The following NTN4 variants were observed in gnomAD, a reference collection of about 807,000 sequenced individuals.
NTN4 encodes netrin-4.
Under a neutral mutation model 73.6 loss-of-function variants are expected in NTN4, and 32 were observed. The ratio of observed to expected loss-of-function variants is 0.44; its 90% confidence interval spans 0.33 to 0.58. The LOEUF (loss-of-function observed/expected upper bound fraction) is 0.58. Among genes scored for constraint, NTN4 ranks in the 20% least tolerant of loss-of-function variants. The probability of loss-of-function intolerance (pLI) is 0.04; values close to 1 mark genes in which losing one functional copy is unlikely to be tolerated. For synonymous variants in NTN4, 258 were observed against 287.5 expected (o/e 0.90, Z 1.04); for missense variants, 654 against 798.3 (o/e 0.82, Z 2.18).
chr12:95,739,182 A>G (rs1399509388), intron 2 of NTN4, among the ~76,000 whole-genome samples: 1 of 152,190 alleles, frequency 6.6e-6, no homozygotes, highest in African/African-American at 2.4e-5. Flanking sequence ...TTAATTTAAC[A>G]TTGTTCTTGG....
intron 5 of NTN4, among the ~76,000 whole-genome samples, chr12:95,699,113 T>G (rs952946503): frequency 6.6e-6 from 1 of 152,068 alleles, no homozygotes; most frequent in Admixed American, 6.5e-5. Context: ...CACAAACAGT[T>G]ACTTCATATT....
chr12:95,708,573 T>A (rs986411354), intron 5 of NTN4, among the ~76,000 whole-genome samples: 3 of 152,070 alleles, frequency 2.0e-5, no homozygotes, highest in Non-Finnish European at 4.4e-5. Context: ...TTGTTATTTT[T>A]AAATATAATA....
chr12:95,772,615 C>T (rs1018877363), intron 2 of NTN4, among the ~76,000 whole-genome samples: 1 of 152,192 alleles, frequency 6.6e-6, no homozygotes, highest in African/African-American at 2.4e-5. Context: ...TGGTCTTCTT[C>T]TCCAAATCTG....
intron 9 of NTN4, 78 bp downstream of exon 9, chr12:95,665,732 G>A (rs1165773381): frequency 5.4e-6 from 6 of 1,115,070 alleles, no homozygotes; most frequent in Middle Eastern, 2.1e-4. Context: ...TGTTTATGTT[G>A]TGCTTCAGAG....
chr12:95,693,681 A>C (rs1001828882), intron 5 of NTN4, among the ~76,000 whole-genome samples: 1 of 149,968 alleles, frequency 6.7e-6, no homozygotes, highest in Non-Finnish European at 1.5e-5. Context: ...CAGTGAGCCG[A>C]GATCACGCCA....
intron 8 of NTN4, among the ~76,000 whole-genome samples, chr12:95,668,176 T>C (rs1266292797): frequency 6.9e-6 from 1 of 144,830 alleles, no homozygotes; most frequent in Non-Finnish European, 1.5e-5. Flanking sequence ...AGCCAGGGAA[T>C]GGGGAGGAGG....
chr12:95,779,216 A>G (rs1244399858), intron 2 of NTN4, among the ~76,000 whole-genome samples: 1 of 152,230 alleles, frequency 6.6e-6, no homozygotes, highest in Non-Finnish European at 1.5e-5. Flanking sequence ...TGAATGGGCA[A>G]AAACTGGAAG....
At chr12:95,660,197 T>C (rs2078126082) in intron 9 of NTN4, among the ~76,000 whole-genome samples, 2 of 152,044 alleles carry the variant, frequency 1.3e-5, no homozygotes, top group Admixed American at 6.6e-5. Flanking sequence ...TTATTTTTAG[T>C]AGAGACAGGG....
At chr12:95,778,827 CTGA>C (rs1349452501) in intron 2 of NTN4, among the ~76,000 whole-genome samples, 1 of 152,198 alleles carries the variant, frequency 6.6e-6, no homozygotes, top group Non-Finnish European at 1.5e-5. Context: ...CAGCATCATT[CTGA>C]TACCAAAGCC....
chr12:95,777,071 A>T (rs2079098870), intron 2 of NTN4, among the ~76,000 whole-genome samples: 1 of 152,222 alleles, frequency 6.6e-6, no homozygotes. Flanking sequence ...AAGCTTCATA[A>T]GTGAAGAAGA....
intron 7 of NTN4, among the ~76,000 whole-genome samples, chr12:95,682,065 T>A (rs1251799008): frequency 7.7e-6 from 1 of 129,968 alleles, no homozygotes. Context: ...GGCTTTTTTT[T>A]TTTTTTTTTT....
At chr12:95,761,553 G>A (rs190601592) in intron 2 of NTN4, among the ~76,000 whole-genome samples, 66 of 152,062 alleles carry the variant, frequency 4.3e-4, no homozygotes, top group East Asian at 2.5e-3. Flanking sequence ...GGCTGGTCTC[G>A]AACTCCTGAC....
At chr12:95,743,110 C>G (rs2078838135) in intron 2 of NTN4, among the ~76,000 whole-genome samples, 1 of 152,144 alleles carries the variant, frequency 6.6e-6, no homozygotes. Flanking sequence ...AGCAAACACT[C>G]CAAGAAATAC....
intron 6 of NTN4, 135 bp downstream of exon 6, chr12:95,683,363 G>T: frequency 1.2e-6 from 1 of 847,306 alleles, no homozygotes; most frequent in Non-Finnish European, 1.8e-6. Flanking sequence ...CGCCCAGCCT[G>T]ACAAAAATTC....
chr12:95,717,676 A>C (rs916524912), intron 3 of NTN4, among the ~76,000 whole-genome samples: 3 of 152,062 alleles, frequency 2.0e-5, no homozygotes, highest in Non-Finnish European at 4.4e-5. Flanking sequence ...AAAAAAAAAA[A>C]AACAGAAAAA....
At chr12:95,747,829 G>C (rs1232829265) in intron 2 of NTN4, among the ~76,000 whole-genome samples, 2 of 151,766 alleles carry the variant, frequency 1.3e-5, no homozygotes, top group Non-Finnish European at 2.9e-5. Flanking sequence ...AAAAATTCTA[G>C]GTACATATTG....
chr12:95,751,617 C>T (rs1286081035), intron 2 of NTN4, among the ~76,000 whole-genome samples: 2 of 152,116 alleles, frequency 1.3e-5, no homozygotes, highest in African/African-American at 4.8e-5. Flanking sequence ...CTGACTGACT[C>T]CTTCCCAGAT....
rs370406309 is a variant in NTN4, at chr12:95,660,905, C to T, written c.1751-1683G>A. Among the ~76,000 whole-genome samples the T allele has an allele frequency of 6.6e-5, 10 of 152,152 alleles. No individual in the cohort carries two copies. In the East Asian group the frequency reaches 9.7e-4, roughly 15 times the overall value. ...ACAACCATACAGGCCTCTTGGAAAACGGCTTATTCCAGGTTCAGGGCAGGA... is the reference window on the plus strand; with the variant it reads ...ACAACCATACAGGCCTCTTGGAAAATGGCTTATTCCAGGTTCAGGGCAGGA... On this transcript the variant is annotated intron_variant, in intron 9 of 9. Transcript: ENST00000343702.
chr12:95,672,569 G>A (rs1308707632), intron 7 of NTN4: 3 of 1,521,596 alleles, frequency 2.0e-6, no homozygotes, highest in Non-Finnish European at 1.8e-6. Flanking sequence ...GCGCCTCAAT[G>A]AGCGGCACTA....
Sources: allele counts gnomAD v4.1 joint callset (sites outside exome capture counted in the v4.1 genomes callset), GRCh38; gene constraint gnomAD v4.1.1; transcripts MANE v1.5; gene names NCBI Gene and HGNC (gene_info 2026-07-23, HGNC 2026-07-21).